ATP10B: variants seen among roughly 807,000 people sequenced by gnomAD.
ATP10B encodes ATPase phospholipid transporting 10B (putative).
A neutral mutation model predicts 141.2 loss-of-function variants in ATP10B; 122 were observed. That is an observed-to-expected ratio of 0.86 (90% CI 0.75 to 1.00). The LOEUF (loss-of-function observed/expected upper bound fraction) is 1.00, where lower values mean the gene tolerates loss of function less well. Ranked by LOEUF, ATP10B falls within the 50% of genes least tolerant of loss-of-function variation. The pLI, the probability that ATP10B is intolerant of heterozygous loss-of-function variation, is 0.00. For missense variants in ATP10B, 1,876 were observed against 1,825.3 expected, an observed-to-expected ratio of 1.03 and a Z score of -0.51; for synonymous variants, 685 against 692.0, an observed-to-expected ratio of 0.99 and a Z score of 0.16.
intron 2 of ATP10B, among the ~76,000 whole-genome samples, chr5:160,736,705 A>G (rs1272113106): frequency 6.6e-6 from 1 of 152,196 alleles, no homozygotes. Context: ...GGTTGCAGTG[A>G]GCCGAGATCG....
the ATP10B span, among the ~76,000 whole-genome samples, chr5:160,892,044 A>C: frequency 5.3e-5 from 8 of 152,334 alleles, no homozygotes; most frequent in Non-Finnish European, 8.8e-5. Flanking sequence ...CAGAGAAACA[A>C]TATTACATTC....
intron 2 of ATP10B, among the ~76,000 whole-genome samples, chr5:160,731,207 G>A (rs1766717540): frequency 6.6e-6 from 1 of 152,188 alleles, no homozygotes; most frequent in South Asian, 2.1e-4. Context: ...AGATGAGTCA[G>A]CCTTGTTTGC....
At chr5:160,626,628 A>G (rs1758627330) in intron 13 of ATP10B, among the ~76,000 whole-genome samples, 2 of 152,220 alleles carry the variant, frequency 1.3e-5, no homozygotes, top group Admixed American at 1.3e-4. Flanking sequence ...ACACATGTCA[A>G]CTGGGGATCT....
intron 21 of ATP10B, 90 bp downstream of exon 21, chr5:160,602,487 T>G (rs1757146440): frequency 6.4e-7 from 1 of 1,561,386 alleles, no homozygotes; most frequent in Non-Finnish European, 8.8e-7. Context: ...TCCTTTATGC[T>G]GAGGTGCTTT....
intron 24 of ATP10B, among the ~76,000 whole-genome samples, chr5:160,570,765 G>A (rs1264137666): frequency 2.0e-5 from 3 of 152,196 alleles, no homozygotes; most frequent in Non-Finnish European, 1.5e-5. Context: ...AGTGCATCCT[G>A]TAAAATGTCC....
chr5:160,796,600 C>CT (rs2127920833), intron 1 of ATP10B, among the ~76,000 whole-genome samples: 1 of 152,310 alleles, frequency 6.6e-6, no homozygotes, highest in African/African-American at 2.4e-5. Flanking sequence ...CATTTACAAG[C>CT]TGGTCGCGCC....
chr5:160,777,282 G>A (rs1581512284), intron 2 of ATP10B, among the ~76,000 whole-genome samples: 3 of 152,166 alleles, frequency 2.0e-5, no homozygotes, highest in East Asian at 1.9e-4. Context: ...TTGGTTTGGG[G>A]AACTGCCCAC....
chr5:160,914,760 TGAA>T, the ATP10B span, among the ~76,000 whole-genome samples: 1 of 152,198 alleles, frequency 6.6e-6, no homozygotes, highest in African/African-American at 2.4e-5. Flanking sequence ...GTTACCAACA[TGAA>T]ATGGAGGAGG....
rs1247371223 is a variant in ATP10B at position 160,565,260 on chromosome 5, C to G, written c.*193G>C. The G allele has an allele frequency of 8.2e-6, 5 of 607,502 alleles. No individual in the cohort carries two copies. The highest frequency in any genetic ancestry group is 1.9e-5 in the African/African-American group (1 of 53,966). 37.6% of individuals were successfully genotyped at this position (607,502 alleles called of 1,614,324 possible). On this transcript the variant is annotated 3_prime_UTR_variant, in exon 26 of 26. Transcript: ENST00000327245. ...TGTGCTGCCTGAGAGCAGCAGAAAA[C>G]TAGAGGCCGACTGGGTTTCCCGTCT...
intron 4 of ATP10B, 139 bp from the exon 5 acceptor site, chr5:160,688,233 G>A: frequency 1.2e-6 from 1 of 845,898 alleles, no homozygotes; most frequent in Non-Finnish European, 1.8e-6. Flanking sequence ...GTAACTAAAG[G>A]TCACTAGATC....
At chr5:160,627,622 A>G (rs1758677694) in intron 13 of ATP10B, among the ~76,000 whole-genome samples, 1 of 152,222 alleles carries the variant, frequency 6.6e-6, no homozygotes, top group South Asian at 2.1e-4. Flanking sequence ...TACTGTAGAG[A>G]AACTCAAACA....
At chr5:160,693,044 A>C (rs1266858491) in intron 3 of ATP10B, among the ~76,000 whole-genome samples, 2 of 152,060 alleles carry the variant, frequency 1.3e-5, no homozygotes, top group Admixed American at 6.6e-5. Context: ...ACACTAAAAA[A>C]CCTCAAATTG....
chr5:160,643,979 G>A (rs1363553659), intron 9 of ATP10B, among the ~76,000 whole-genome samples, 159 bp downstream of exon 9: 1 of 152,220 alleles, frequency 6.6e-6, no homozygotes, highest in African/African-American at 2.4e-5. Context: ...GTGAACTGCT[G>A]TGATTCCCAG....
At chr5:160,772,474 C>A (rs560650386) in intron 2 of ATP10B, among the ~76,000 whole-genome samples, 3 of 152,292 alleles carry the variant, frequency 2.0e-5, no homozygotes, top group Admixed American at 1.3e-4. Flanking sequence ...CAGTTCCCAA[C>A]CTTTTGGCAT....
At chr5:160,720,337 A>C (rs1765917230) in intron 2 of ATP10B, among the ~76,000 whole-genome samples, 1 of 152,226 alleles carries the variant, frequency 6.6e-6, no homozygotes, top group African/African-American at 2.4e-5. Flanking sequence ...TAAAGGCTAT[A>C]ATTTATTTTC....
chr5:160,833,402 C>T (rs1358349788), intron 1 of ATP10B, among the ~76,000 whole-genome samples: 3 of 152,136 alleles, frequency 2.0e-5, no homozygotes, highest in African/African-American at 7.2e-5. Context: ...ATCTCAGATT[C>T]AGCTCAGTTA....
At chr5:160,869,944 G>T in the ATP10B span, among the ~76,000 whole-genome samples, 96 of 152,218 alleles carry the variant, frequency 6.3e-4, no homozygotes, top group African/African-American at 2.3e-3. Flanking sequence ...TCTGTCAGGG[G>T]AGGGGAAAAT....
chr5:160,882,999 A>G, the ATP10B span, among the ~76,000 whole-genome samples: 15 of 152,222 alleles, frequency 9.9e-5, no homozygotes, highest in Non-Finnish European at 1.9e-4. Context: ...ATCTAAAATG[A>G]AAAGCCATAG....
intron 24 of ATP10B, among the ~76,000 whole-genome samples, chr5:160,581,393 A>C (rs997000344): frequency 1.3e-5 from 2 of 152,008 alleles, no homozygotes; most frequent in African/African-American, 4.8e-5. Flanking sequence ...TTTCTGCCTT[A>C]ATTTCATTAT....
Sources: gnomAD v4.1 joint callset for allele counts (sites outside exome capture counted in the v4.1 genomes callset) on GRCh38, gnomAD v4.1.1 for gene constraint, MANE v1.5 for transcripts, NCBI Gene and HGNC (gene_info 2026-07-23, HGNC 2026-07-21) for gene names.